LMCD1: variants seen among roughly 807,000 people sequenced by gnomAD.
LMCD1 encodes the protein LIM and cysteine rich domains 1, also known as LIM and cysteine-rich domains protein 1.
A neutral mutation model predicts 42.7 loss-of-function variants in LMCD1; 32 were observed. That is an observed-to-expected ratio of 0.75 (90% CI 0.57 to 1.01). LMCD1 has a LOEUF of 1.01. Among genes scored for constraint, LMCD1 ranks in the 50% least tolerant of loss-of-function variants. The pLI is 0.00. For missense variants in LMCD1, 458 were observed against 483.1 expected (o/e 0.95, Z 0.49); for synonymous variants, 178 against 184.9 (o/e 0.96, Z 0.30).
chr3:8,518,581 G>C (rs1458127035), intron 1 of LMCD1, among the ~76,000 whole-genome samples: 1 of 152,194 alleles, frequency 6.6e-6, no homozygotes, highest in Non-Finnish European at 1.5e-5. Flanking sequence ...CAGATGTCAG[G>C]TCTGGGTGGC....
rs1694782081 is a variant in LMCD1, at chr3:8,548,655, C to T, written c.475C>T (p.His159Tyr). ...CTTTTACCGCCGCCGCCAGCTCATG[C>T]ACCAGCTCCCCATCTATGACCAGGA... is the stretch of plus-strand genomic sequence containing the variant. ...GAFYRRRQLM[H>Y]QLPIYDQDPS... Residue 159 changes from histidine (H) to tyrosine (Y), a missense_variant, in exon 4 of 6, where the codon CAC becomes TAC. By Grantham distance (83) the His-to-Tyr change is moderately conservative (BLOSUM62 2). Transcript: ENST00000157600. 6.2e-7 allele frequency: 1 copy of T among 1,614,202 alleles called. No homozygotes were observed. Among genetic ancestry groups the T allele is most frequent in the Middle Eastern group, 1.6e-4 (1 of 6,062 alleles).
chr3:8,521,267 C>T (rs1694198819), intron 1 of LMCD1, among the ~76,000 whole-genome samples: 1 of 152,154 alleles, frequency 6.6e-6, no homozygotes, highest in Non-Finnish European at 1.5e-5. Flanking sequence ...ACAAGGAGCC[C>T]GTGTCCTGGG....
At chr3:8,559,595 A>G (rs988446371) in intron 4 of LMCD1, among the ~76,000 whole-genome samples, 13 of 152,298 alleles carry the variant, frequency 8.5e-5, no homozygotes, top group African/African-American at 1.7e-4. Context: ...AAACCTCGCT[A>G]CAAAGAATTG....
chr3:8,543,163 G>A (rs1694660905), intron 3 of LMCD1, among the ~76,000 whole-genome samples: 1 of 152,200 alleles, frequency 6.6e-6, no homozygotes, highest in Admixed American at 6.5e-5. Context: ...GCAAGAAATA[G>A]GAAGGGGACG....
In LMCD1 at chr3:8,548,684, C is replaced by T. The variant is rs137933946; in HGVS notation, c.504C>T (p.Pro168=). 2.8e-4 allele frequency: 460 copies of T among 1,614,082 alleles called. 2 individuals are homozygous for T. The highest frequency in any genetic ancestry group is 3.6e-4 in the Non-Finnish European group (426 of 1,180,048). Reference sequence around the variant, plus strand: ...AGCTCCCCATCTATGACCAGGATCCCTCGCGCTGCCGTGGACTTTTGGAGA... The same window carrying T: ...AGCTCCCCATCTATGACCAGGATCCTTCGCGCTGCCGTGGACTTTTGGAGA... ...MHQLPIYDQD[P]SRCRGLLENE... Residue 168 remains proline, a synonymous_variant, in exon 4 of 6, where the codon CCC becomes CCT. Transcript: ENST00000157600.
At chr3:8,537,475 C>A (rs1024943790) in intron 3 of LMCD1, 35 bp downstream of exon 3, 2 of 1,524,766 alleles carry the variant, frequency 1.3e-6, no homozygotes, top group African/African-American at 2.8e-5. Context: ...AGTTGTTTTC[C>A]TATCCTCATA....
intron 3 of LMCD1, among the ~76,000 whole-genome samples, chr3:8,541,530 C>G (rs1423868515): frequency 6.6e-6 from 1 of 152,162 alleles, no homozygotes; most frequent in Non-Finnish European, 1.5e-5. Flanking sequence ...GCCTGGGCAA[C>G]AAGAGCAAAA....
rs909413815 is a variant in LMCD1 at position 8,573,151 on chromosome 3, C to T, written c.*5553C>T. 2.0e-5 allele frequency: 3 copies of T among 152,074 alleles called. No homozygotes were observed. Among genetic ancestry groups the T allele is most frequent in the Admixed American group, 6.6e-5 (1 of 15,262 alleles). The allele number at this position is 152,074 out of a possible 1,614,324, so 9.4% of individuals were successfully genotyped here. ...AGCTTTTCATTAGTGGGGATTTTGT[C>T]AATTATAACCAAAAACAATGTGACG... On this transcript the variant is annotated 3_prime_UTR_variant, in exon 6 of 6. Transcript: ENST00000157600.
Position 8,548,903 on chromosome 3 carries a change from C to A in LMCD1, c.723C>A (p.Tyr241Ter). The A allele has an allele frequency of 6.6e-7, 1 of 1,507,360 alleles. No homozygotes were observed. Among genetic ancestry groups the A allele is most frequent in the Non-Finnish European group, 8.9e-7 (1 of 1,124,840 alleles). 93.4% of individuals were successfully genotyped at this position (1,507,360 alleles called of 1,614,324 possible). A position where few individuals can be genotyped will look rare whatever the true frequency, so the allele number is the denominator to read the frequency against. The change falls in exon 4 of 6, where the codon TAC (tyrosine) becomes TAA (stop). Residue 241 changes from tyrosine (Y) to a stop codon, truncating the protein, a stop_gained and splice_region_variant. Coordinates refer to ENST00000157600, the MANE Select transcript of LMCD1 (RefSeq NM_014583.4). LOFTEE classifies it high-confidence loss of function. ...GTGACCCGTCCAAAGAAGTGGAATA[C>A]GTAAGTTTCTCCCATGCTTCCAGCC... ...SLSDPSKEVE[Y>*]VCELCKGAAP...
intron 4 of LMCD1, among the ~76,000 whole-genome samples, chr3:8,552,067 C>T (rs771950616): frequency 1.6e-4 from 25 of 152,216 alleles, no homozygotes; most frequent in Admixed American, 2.6e-4. Context: ...GGAACTGTAT[C>T]GGTAACACCT....
rs777095792 is a variant in LMCD1 at position 8,565,416 on chromosome 3, T to C, written c.724-16T>C. 9 of 1,609,650 alleles carry C rather than the reference T, an allele frequency of 5.6e-6. No homozygotes were observed. Among genetic ancestry groups the C allele is most frequent in the Admixed American group, 1.7e-5 (1 of 59,976 alleles). Reference sequence around the variant, plus strand: ...CTGACTTCCTTGTCTCCTATGGTCCTTCCCCATCCTTCCAGGTCTGCGAGC... The same window carrying C: ...CTGACTTCCTTGTCTCCTATGGTCCCTCCCCATCCTTCCAGGTCTGCGAGC... On this transcript the variant is annotated splice_polypyrimidine_tract_variant and intron_variant, in intron 4 of 5. Coordinates refer to ENST00000157600, the MANE Select transcript of LMCD1 (RefSeq NM_014583.4).
intron 4 of LMCD1, among the ~76,000 whole-genome samples, chr3:8,564,300 T>C (rs1695091788): frequency 6.6e-6 from 1 of 152,200 alleles, no homozygotes; most frequent in Non-Finnish European, 1.5e-5. Flanking sequence ...GGTCTCACTC[T>C]GTCACCTAGG....
At chr3:8,552,935 G>A (rs1024119408) in intron 4 of LMCD1, among the ~76,000 whole-genome samples, 1 of 152,304 alleles carries the variant, frequency 6.6e-6, no homozygotes, top group Non-Finnish European at 1.5e-5. Flanking sequence ...GTGTTAGCCA[G>A]GATGGTCTCG....
chr3:8,555,131 C>T (rs1483891412), intron 4 of LMCD1, among the ~76,000 whole-genome samples: 2 of 152,122 alleles, frequency 1.3e-5, no homozygotes, highest in African/African-American at 4.8e-5. Flanking sequence ...GACCCCTCTG[C>T]CCCATTTCCC....
chr3:8,505,720 T>A (rs576215725), intron 1 of LMCD1, among the ~76,000 whole-genome samples: 96 of 152,356 alleles, frequency 6.3e-4, no homozygotes, highest in African/African-American at 2.2e-3. Context: ...CAGGTCCACC[T>A]GGATGTCTCT....
chr3:8,554,014 G>A (rs148584162), intron 4 of LMCD1, among the ~76,000 whole-genome samples: 89 of 152,294 alleles, frequency 5.8e-4, no homozygotes, highest in African/African-American at 2.1e-3. Flanking sequence ...CTGTGAGGCT[G>A]CAGCAGGCAC....
chr3:8,536,480 C>G (rs1181476517), intron 2 of LMCD1, among the ~76,000 whole-genome samples: 1 of 152,194 alleles, frequency 6.6e-6, no homozygotes, highest in African/African-American at 2.4e-5. Context: ...ACACATCCAT[C>G]TCCCCAGCCA....
chr3:8,503,794 G>A (rs1559342708), intron 1 of LMCD1, among the ~76,000 whole-genome samples: 1 of 152,222 alleles, frequency 6.6e-6, no homozygotes. Flanking sequence ...AAAGGTGGCA[G>A]AGTTCCATTG....
intron 4 of LMCD1, among the ~76,000 whole-genome samples, chr3:8,557,860 A>G (rs975261505): frequency 6.6e-6 from 1 of 152,104 alleles, no homozygotes; most frequent in African/African-American, 2.4e-5. Flanking sequence ...CACTTGGAGG[A>G]GCTTGCAGGC....
Sources: gnomAD v4.1 joint callset for allele counts (sites outside exome capture counted in the v4.1 genomes callset) on GRCh38, gnomAD v4.1.1 for gene constraint, MANE v1.5 for transcripts, NCBI Gene and HGNC (gene_info 2026-07-23, HGNC 2026-07-21) for gene names.